The following RBFOX3 variants were observed in gnomAD, a reference collection of about 807,000 sequenced individuals.
RBFOX3 encodes RNA binding fox-1 homolog 3.
A neutral mutation model predicts 48.7 loss-of-function variants in RBFOX3; 17 were observed. That is an observed-to-expected ratio of 0.35 (90% CI 0.24 to 0.52). RBFOX3 has a LOEUF of 0.52. RBFOX3 is among the 20% of genes least tolerant of loss of function. The probability of loss-of-function intolerance (pLI) is 0.94; values close to 1 mark genes in which losing one functional copy is unlikely to be tolerated. For missense variants in RBFOX3, 382 were observed against 497.5 expected (o/e 0.77, Z 2.21); for synonymous variants, 212 against 209.5 (o/e 1.01, Z -0.10).
rs947281888 is a variant in RBFOX3 at position 79,480,857 on chromosome 17, T to A, written c.-175+1597A>T. Among the ~76,000 whole-genome samples the A allele has an allele frequency of 6.6e-6, 1 of 152,190 alleles. No homozygotes were observed. Among genetic ancestry groups the A allele is most frequent in the Non-Finnish European group, 1.5e-5 (1 of 68,042 alleles). On this transcript the variant is annotated intron_variant, in intron 2 of 14. Transcript: ENST00000693108. The surrounding 1 kb of genome is among the most constrained non-coding windows in gnomAD (Gnocchi z 4.8). ...ACAGCGTTATGGCGCCTGACATACATTTATTCGCCATGTCCCTGCTAAAAT... is the reference window on the plus strand; with the variant it reads ...ACAGCGTTATGGCGCCTGACATACAATTATTCGCCATGTCCCTGCTAAAAT...
At chr17:79,586,858 G>A (rs2093266149) in intron 1 of RBFOX3, among the ~76,000 whole-genome samples, 1 of 152,172 alleles carries the variant, frequency 6.6e-6, no homozygotes, top group South Asian at 2.1e-4. Flanking sequence ...CATGAGAGAT[G>A]GTGATGTGGT....
At chr17:79,577,566 A>G (rs2092905723) in intron 1 of RBFOX3, among the ~76,000 whole-genome samples, 1 of 152,274 alleles carries the variant, frequency 6.6e-6, no homozygotes, top group Non-Finnish European at 1.5e-5. Context: ...TTGTGTTTCC[A>G]GTGCCAAGTT....
chr17:79,427,313 C>T lies in RBFOX3; in HGVS notation c.-175+55141G>A, dbSNP rs75647495. On this transcript the variant is annotated intron_variant, in intron 2 of 14. Coordinates refer to ENST00000693108, the MANE Select transcript of RBFOX3 (RefSeq NM_001350451.2). Reference sequence around the variant, plus strand: ...GCTCTAGGGAATGGAGGGGCTGAGGCTCTAAGGTCCTGGGAGATGTCCTTT... The same window carrying T: ...GCTCTAGGGAATGGAGGGGCTGAGGTTCTAAGGTCCTGGGAGATGTCCTTT... Among the ~76,000 whole-genome samples the T allele has an allele frequency of 2.2e-4, 34 of 152,328 alleles. No homozygotes were observed. The East Asian group carries it at 5.8e-3, about 26-fold the overall frequency.
At chr17:79,365,664 C>T (rs1212840303) in intron 2 of RBFOX3, among the ~76,000 whole-genome samples, 2 of 152,200 alleles carry the variant, frequency 1.3e-5, no homozygotes, top group Non-Finnish European at 2.9e-5. Context: ...ATAACACCTT[C>T]CACAGAAATA....
intron 1 of RBFOX3, among the ~76,000 whole-genome samples, chr17:79,523,225 G>A (rs1313942332): frequency 1.3e-5 from 2 of 152,102 alleles, no homozygotes; most frequent in African/African-American, 2.4e-5. Flanking sequence ...TGGGTGGTTG[G>A]TGGTGACAGC....
At chr17:79,381,033 G>A (rs1346652902) in intron 2 of RBFOX3, among the ~76,000 whole-genome samples, 2 of 152,154 alleles carry the variant, frequency 1.3e-5, no homozygotes, top group Non-Finnish European at 2.9e-5. Flanking sequence ...AGGCTGAGGT[G>A]GGCGAATCAT....
At chr17:79,221,529 CCTAGA>C (rs906769049) in intron 4 of RBFOX3, among the ~76,000 whole-genome samples, 2 of 152,200 alleles carry the variant, frequency 1.3e-5, no homozygotes, top group African/African-American at 2.4e-5. Context: ...AAGGGCCAGC[CCTAGA>C]CTAAACACCC....
intron 2 of RBFOX3, among the ~76,000 whole-genome samples, chr17:79,420,817 T>G (rs537254382): frequency 6.6e-6 from 1 of 152,080 alleles, no homozygotes; most frequent in African/African-American, 2.4e-5. Flanking sequence ...TACTGATGAG[T>G]GTCTTTATTT....
At chr17:79,467,626 T>C (rs1228212776) in intron 2 of RBFOX3, among the ~76,000 whole-genome samples, 9 of 152,116 alleles carry the variant, frequency 5.9e-5, no homozygotes, top group Non-Finnish European at 1.0e-4. Flanking sequence ...TAACTGCAGA[T>C]GGTGGGGGGC....
intron 1 of RBFOX3, among the ~76,000 whole-genome samples, chr17:79,566,013 T>C (rs1369222061): frequency 6.6e-6 from 1 of 152,174 alleles, no homozygotes; most frequent in Non-Finnish European, 1.5e-5. Context: ...ACTGTCGAGA[T>C]ATATTTAGAT....
chr17:79,450,642 C>G (rs1384778024), intron 2 of RBFOX3, among the ~76,000 whole-genome samples: 3 of 151,900 alleles, frequency 2.0e-5, no homozygotes, highest in East Asian at 1.9e-4. Flanking sequence ...TGTGACCCAT[C>G]ATAATTCCAG....
chr17:79,118,837 T>G, intron 4 of RBFOX3, among the ~76,000 whole-genome samples: 1 of 150,158 alleles, frequency 6.7e-6, no homozygotes. Flanking sequence ...AATAGCCAGG[T>G]GTGGTGGCAC....
intron 8 of RBFOX3, 33 bp from the exon 9 acceptor site, chr17:79,101,677 G>C (rs1464654603): frequency 6.5e-7 from 1 of 1,544,666 alleles, no homozygotes; most frequent in Non-Finnish European, 8.8e-7. Context: ...AGAGGAAGAG[G>C]GAGGATTAGC....
At chr17:79,636,924 C>T in the RBFOX3 span, among the ~76,000 whole-genome samples, 56 of 152,064 alleles carry the variant, frequency 3.7e-4, no homozygotes, top group African/African-American at 1.2e-3. Context: ...ATAAGAGACT[C>T]GTTTTAGCTT....
intron 3 of RBFOX3, among the ~76,000 whole-genome samples, chr17:79,300,504 A>G (rs184744717): frequency 1.3e-4 from 20 of 152,346 alleles, no homozygotes; most frequent in Admixed American, 1.3e-3. Flanking sequence ...AGACTTTGGG[A>G]GAAAACCCTG....
intron 3 of RBFOX3, among the ~76,000 whole-genome samples, chr17:79,277,748 G>A (rs1045324567): frequency 7.2e-5 from 11 of 152,228 alleles, no homozygotes; most frequent in South Asian, 2.1e-4. Flanking sequence ...GGCTCATGGT[G>A]GGAAGCCAGC....
chr17:79,174,629 C>T (rs989835803), intron 4 of RBFOX3, among the ~76,000 whole-genome samples: 3 of 151,628 alleles, frequency 2.0e-5, no homozygotes, highest in Admixed American at 1.3e-4. Flanking sequence ...ACAATGCAGT[C>T]GCTTACATGC....
intron 2 of RBFOX3, among the ~76,000 whole-genome samples, chr17:79,358,446 C>T (rs1214340535): frequency 6.6e-6 from 1 of 152,142 alleles, no homozygotes; most frequent in Non-Finnish European, 1.5e-5. Context: ...TACACTTCCT[C>T]TCATTTTTCT....
chr17:79,377,589 C>T (rs1054056577), intron 2 of RBFOX3, among the ~76,000 whole-genome samples: 1 of 152,232 alleles, frequency 6.6e-6, no homozygotes, highest in Non-Finnish European at 1.5e-5. Flanking sequence ...CAGAGCTGCA[C>T]TCAGGCGGTT....
Sources: gnomAD v4.1 joint callset for allele counts (sites outside exome capture counted in the v4.1 genomes callset) on GRCh38, gnomAD v4.1.1 for gene constraint, Gnocchi (gnomAD v3.1) non-coding constraint, MANE v1.5 for transcripts, NCBI Gene and HGNC (gene_info 2026-07-23, HGNC 2026-07-21) for gene names.